PKP3: variants seen among roughly 807,000 people sequenced by gnomAD.
The protein encoded by PKP3 is plakophilin-3.
PKP3 carries 66 observed loss-of-function variants against 76.5 expected under a neutral mutation model. The ratio of observed to expected loss-of-function variants is 0.86; its 90% confidence interval spans 0.71 to 1.06. The LOEUF (loss-of-function observed/expected upper bound fraction) is 1.06. PKP3 is among the 50% of genes least tolerant of loss of function. PKP3 has a pLI of 0.00. For missense variants in PKP3, 1,338 were observed against 1,141.0 expected (o/e 1.17, Z -2.49); for synonymous variants, 638 against 516.5 (o/e 1.24, Z -3.19).
Position 404,211 on chromosome 11 carries a change from C to T in PKP3, c.2271-25C>T. ...CACCCTGCTTTCTGGCTGTGTGTCC[C>T]CTCCTGACTGCCCTCCACCCTCAGC... On this transcript the variant is annotated intron_variant, in intron 11 of 12. Coordinates refer to ENST00000331563, the MANE Select transcript of PKP3 (RefSeq NM_007183.4). This position sits in a 1 kb window ranked among gnomAD's most constrained non-coding sequence, Gnocchi z 4.2. 6.2e-7 allele frequency: 1 copy of T among 1,610,590 alleles called. No homozygotes were observed. The highest frequency in any genetic ancestry group is 1.3e-5 in the African/African-American group (1 of 75,016).
At chr11:403,484 G>A (rs74045276) in intron 9 of PKP3, 134 bp from the exon 10 acceptor site, 1 of 917,260 alleles carries the variant, frequency 1.1e-6, no homozygotes, top group Admixed American at 2.5e-5. Context: ...GATTCCCCCC[G>A]GCTGGGGGGC....
At position 400,076 on chromosome 11, in the gene PKP3, TC is replaced by T. The variant is rs757594408; in HGVS notation, c.1390del (p.Leu464SerfsTer183). The stretch of plus-strand genomic sequence containing the variant: ...TGAGCCCCCTGTCGGGGGCTGGGGG[TC>T]CCCCCCTCATCCAGCAGAACGCCTC... ...VLSPLSGAGG[P>X]PLIQQNASEA... On this transcript the variant is annotated frameshift_variant, in exon 6 of 13. Transcript: ENST00000331563. LOFTEE classifies it high-confidence loss of function. The T allele has an allele frequency of 1.6e-5, 26 of 1,595,012 alleles. No homozygotes were observed. Among genetic ancestry groups the T allele is most frequent in the South Asian group, 3.4e-5 (3 of 89,022 alleles).
intron 1 of PKP3, among the ~76,000 whole-genome samples, chr11:395,016 C>T (rs1424571116): frequency 2.0e-5 from 3 of 152,142 alleles, no homozygotes; most frequent in Admixed American, 6.5e-5. Context: ...GGACCAGGGG[C>T]TCCCTGAGGA....
At chr11:400,304 T>TG in intron 6 of PKP3, 30 bp from the exon 7 acceptor site, 2 of 1,517,578 alleles carry the variant, frequency 1.3e-6, no homozygotes, top group Non-Finnish European at 1.8e-6. Flanking sequence ...GCGGGGTCCC[T>TG]GGGGGGCTCT....
rs1418014264 is a variant in PKP3 at position 403,218 on chromosome 11, G to A, written c.1878G>A (p.Glu626=). ...GCGAGCTCAACCGGCACACGACGGA[G>A]GCGGCCGCCGGGGCGCTGCAGAACA... ...QRCELNRHTT[E]AAAGALQNIT... is the part of the protein sequence containing the mutation. The change falls in exon 9 of 13, where the codon GAG becomes GAA. Residue 626 remains glutamate (E), a synonymous_variant. Coordinates refer to ENST00000331563, the MANE Select transcript of PKP3 (RefSeq NM_007183.4). The A allele has an allele frequency of 1.9e-6, 3 of 1,589,942 alleles. No individual in the cohort carries two copies. In the African/African-American group the frequency reaches 4.0e-5, roughly 21 times the overall value.
Position 404,675 on chromosome 11 carries a change from G to A in PKP3, c.*106G>A, listed in dbSNP as rs1347651577. Reference sequence around the variant, plus strand: ...CTGGAGGAGAAGGCTAATGACGGAGGGGCCCCTCGCTGGGGCCCCTGTGTG... The same window carrying A: ...CTGGAGGAGAAGGCTAATGACGGAGAGGCCCCTCGCTGGGGCCCCTGTGTG... On this transcript the variant is annotated 3_prime_UTR_variant, in exon 13 of 13. Transcript: ENST00000331563. The surrounding 1 kb of genome is among the most constrained non-coding windows in gnomAD (Gnocchi z 4.2). 1 of 1,171,696 alleles carries A rather than the reference G, an allele frequency of 8.5e-7. No individual in the cohort carries two copies. Among genetic ancestry groups the A allele is most frequent in the Admixed American group, 2.0e-5 (1 of 50,462 alleles). 72.6% of individuals were successfully genotyped at this position (1,171,696 alleles called of 1,614,324 possible). A position where few individuals can be genotyped will look rare whatever the true frequency, so the allele number is the denominator to read the frequency against.
chr11:397,700 A>G, intron 4 of PKP3, 38 bp downstream of exon 4: 1 of 1,596,786 alleles, frequency 6.3e-7, no homozygotes, highest in Non-Finnish European at 8.5e-7. Context: ...CCCCCTGGTG[A>G]CCTCCTTCGT....
chr11:396,336 G>T (rs1847044281), intron 1 of PKP3: 5 of 426,346 alleles, frequency 1.2e-5, no homozygotes, highest in Middle Eastern at 5.9e-4. Flanking sequence ...CTGGCGACCA[G>T]GAGGTCAGTG....
chr11:403,651 C>A lies in PKP3; in HGVS notation c.1957C>A (p.Gln653Lys). The change falls in exon 10 of 13, where the codon CAG (glutamine) becomes AAG (lysine). Residue 653 changes from glutamine (Q) to lysine (K), a missense_variant. By Grantham distance (53) the Gln-to-Lys change is moderately conservative (BLOSUM62 1). Transcript: ENST00000331563. ...GGTGCTGAGCCGCCTGGCCCTGGAGCAGGAGCGTATTCTGAACCCCCTGCT... is the reference window on the plus strand; with the variant it reads ...GGTGCTGAGCCGCCTGGCCCTGGAGAAGGAGCGTATTCTGAACCCCCTGCT... Reference protein sequence around the residue: ...AGVLSRLALEQERILNPLLDR... With the variant: ...AGVLSRLALEKERILNPLLDR... 8 of 1,608,988 alleles carry A rather than the reference C, an allele frequency of 5.0e-6. No homozygotes were observed. In the South Asian group the frequency reaches 8.8e-5, roughly 18 times the overall value.
intron 4 of PKP3, among the ~76,000 whole-genome samples, chr11:398,150 C>T (rs1400029509): frequency 5.3e-5 from 4 of 76,032 alleles, no homozygotes; most frequent in Non-Finnish European, 7.7e-5. Flanking sequence ...TCATCACCTC[C>T]GTACACCCGC....
intron 5 of PKP3, 47 bp downstream of exon 5, chr11:399,243 CT>C: frequency 7.5e-7 from 1 of 1,327,628 alleles, no homozygotes. Flanking sequence ...ACCTGCGCCC[CT>C]CTGCCTATCC....
chr11:400,538 G>T lies in PKP3; in HGVS notation c.1570G>T (p.Val524Leu), dbSNP rs950509506. The T allele has an allele frequency of 3.4e-6, 5 of 1,492,504 alleles. No individual in the cohort carries two copies. Among genetic ancestry groups the T allele is most frequent in the Non-Finnish European group, 4.4e-6 (5 of 1,128,342 alleles). 92.5% of individuals were successfully genotyped at this position (1,492,504 alleles called of 1,614,324 possible). Reference sequence around the variant, plus strand: ...TGCCCCGCGCCCCCGCCCGCAGAGCGTGGAGAACGCGGTGTGCGTCCTGCG... The same window carrying T: ...TGCCCCGCGCCCCCGCCCGCAGAGCTTGGAGAACGCGGTGTGCGTCCTGCG... ...LDAGKCEDKS[V>L]ENAVCVLRNL... The change falls in exon 8 of 13, where the codon GTG (valine) becomes TTG (leucine). Residue 524 changes from valine (V) to leucine (L), a missense_variant. Coordinates refer to ENST00000331563, the MANE Select transcript of PKP3 (RefSeq NM_007183.4).
chr11:404,064 C>T lies in PKP3; in HGVS notation c.2199C>T (p.Pro733=). 1 of 1,612,494 alleles carries T rather than the reference C, an allele frequency of 6.2e-7. No homozygotes were observed. The highest frequency in any genetic ancestry group is 8.5e-7 in the Non-Finnish European group (1 of 1,179,746). ...AVLNNLVVAS[P]IAARDLLYFD... ...TCAACAACCTGGTGGTGGCCAGCCC[C>T]ATCGCTGCCCGAGACCTGCTGTATT... The change falls in exon 11 of 13, where the codon CCC becomes CCT. Residue 733 remains proline, a synonymous_variant. Coordinates refer to ENST00000331563, the MANE Select transcript of PKP3 (RefSeq NM_007183.4). This position sits in a 1 kb window ranked among gnomAD's most constrained non-coding sequence, Gnocchi z 4.2.
chr11:394,205 C>T, upstream of PKP3: 1 of 1,386,726 alleles, frequency 7.2e-7, no homozygotes, highest in Non-Finnish European at 9.3e-7. Flanking sequence ...TGGGCGGGGA[C>T]TTCAGGGAGA....
At chr11:394,879 C>T (rs1412068614) in intron 1 of PKP3, among the ~76,000 whole-genome samples, 1 of 152,174 alleles carries the variant, frequency 6.6e-6, no homozygotes, top group African/African-American at 2.4e-5. Context: ...GTAGCACAGA[C>T]TCACATAGGG....
At chr11:395,909 C>T (rs779052377) in intron 1 of PKP3, among the ~76,000 whole-genome samples, 12 of 152,190 alleles carry the variant, frequency 7.9e-5, no homozygotes, top group African/African-American at 1.4e-4. Flanking sequence ...GCTGTCCCAC[C>T]CCTCCATCCA....
rs760141034 is a variant in PKP3 at position 404,618 on chromosome 11, A to G, written c.*49A>G. The G allele has an allele frequency of 1.9e-6, 3 of 1,583,492 alleles. No homozygotes were observed. The highest frequency in any genetic ancestry group is 2.6e-6 in the Non-Finnish European group (3 of 1,153,758). On this transcript the variant is annotated 3_prime_UTR_variant, in exon 13 of 13. Coordinates refer to ENST00000331563, the MANE Select transcript of PKP3 (RefSeq NM_007183.4). This position sits in a 1 kb window ranked among gnomAD's most constrained non-coding sequence, Gnocchi z 4.2. ...TGACGTGGCCCAGCGTCCAAGGGAC[A>G]GACTCAGCTCCAGGCTGCTTGGCAG...
At position 399,114 on chromosome 11, in the gene PKP3, G is replaced by A. The variant is rs1331127742; in HGVS notation, c.1191G>A (p.Leu397=). 6.2e-7 allele frequency: 1 copy of A among 1,612,038 alleles called. No individual in the cohort carries two copies. The highest frequency in any genetic ancestry group is 1.1e-5 in the South Asian group (1 of 91,076). ...TCTACGACAACGCTGACAACAAGCT[G>A]GCCCTGGTGGAGGAGAACGGGATCT... ...NLIYDNADNK[L]ALVEENGIFE... is the part of the protein sequence containing the mutation. The change falls in exon 5 of 13, where the codon CTG becomes CTA. Residue 397 remains leucine, a synonymous_variant. Coordinates refer to ENST00000331563, the MANE Select transcript of PKP3 (RefSeq NM_007183.4).
chr11:403,802 G>A (rs191357191), intron 10 of PKP3, 31 bp downstream of exon 10: 2 of 1,600,786 alleles, frequency 1.2e-6, no homozygotes, highest in East Asian at 2.2e-5. Flanking sequence ...TCCCTGCCCT[G>A]CTGGACCCAC....
Sources: gnomAD v4.1 joint callset for allele counts (sites outside exome capture counted in the v4.1 genomes callset) on GRCh38, gnomAD v4.1.1 for gene constraint, Gnocchi (gnomAD v3.1) non-coding constraint, MANE v1.5 for transcripts, NCBI Gene and HGNC (gene_info 2026-07-23, HGNC 2026-07-21) for gene names.